Variants in MARCHF11 observed in about 807,000 individuals in gnomAD.
MARCHF11 encodes E3 ubiquitin-protein ligase MARCHF11.
Under a neutral mutation model 37.3 loss-of-function variants are expected in MARCHF11, and 29 were observed. That is an observed-to-expected ratio of 0.78 (90% CI 0.58 to 1.06). MARCHF11 has a LOEUF of 1.06. MARCHF11 is among the 50% of genes least tolerant of loss of function. The pLI, the probability that MARCHF11 is intolerant of heterozygous loss-of-function variation, is 0.00. For synonymous variants in MARCHF11, 233 were observed against 228.0 expected (o/e 1.02, Z -0.20); for missense variants, 482 against 533.4 (o/e 0.90, Z 0.95).
intron 2 of MARCHF11, among the ~76,000 whole-genome samples, chr5:16,097,469 A>G (rs898565780): frequency 2.0e-5 from 3 of 152,170 alleles, no homozygotes; most frequent in Non-Finnish European, 2.9e-5. Flanking sequence ...ACATAGAACC[A>G]TTTCTCTGGA....
intron 2 of MARCHF11, among the ~76,000 whole-genome samples, chr5:16,152,015 A>G (rs1055682464): frequency 1.3e-5 from 2 of 151,980 alleles, no homozygotes; most frequent in Admixed American, 1.3e-4. Context: ...ATTTCAAATC[A>G]CAGTGAGGAT....
intron 2 of MARCHF11, among the ~76,000 whole-genome samples, chr5:16,099,392 T>C (rs913305086): frequency 6.6e-6 from 1 of 152,180 alleles, no homozygotes; most frequent in Non-Finnish European, 1.5e-5. Flanking sequence ...TGTTTACATA[T>C]TATAATGCAA....
intron 2 of MARCHF11, among the ~76,000 whole-genome samples, chr5:16,128,758 G>A (rs897639269): frequency 2.0e-5 from 3 of 152,136 alleles, no homozygotes; most frequent in African/African-American, 7.2e-5. Context: ...GTTTGTGTGT[G>A]TGTATGCATG....
intron 2 of MARCHF11, among the ~76,000 whole-genome samples, chr5:16,137,084 C>T (rs1319904609): frequency 1.3e-5 from 2 of 152,154 alleles, no homozygotes; most frequent in African/African-American, 4.8e-5. Context: ...AAAACTAACA[C>T]ATCTATTATG....
intron 2 of MARCHF11, among the ~76,000 whole-genome samples, chr5:16,135,438 AT>A (rs1216894463): frequency 2.6e-5 from 4 of 152,318 alleles, no homozygotes; most frequent in South Asian, 4.1e-4. Context: ...AAAAAACAAA[AT>A]TGAATAATTA....
intron 2 of MARCHF11, among the ~76,000 whole-genome samples, chr5:16,138,467 G>A (rs993561554): frequency 3.9e-5 from 6 of 152,384 alleles, no homozygotes; most frequent in African/African-American, 1.4e-4. Flanking sequence ...GTTTATTGCA[G>A]GGGTGGAGCC....
intron 2 of MARCHF11, among the ~76,000 whole-genome samples, chr5:16,149,414 GCTA>G (rs1361341556): frequency 1.3e-5 from 2 of 152,110 alleles, no homozygotes; most frequent in African/African-American, 2.4e-5. Context: ...CGAATGCAGA[GCTA>G]CTAAAGCTCA....
At chr5:16,171,708 G>A (rs1014847245) in intron 2 of MARCHF11, among the ~76,000 whole-genome samples, 2 of 152,100 alleles carry the variant, frequency 1.3e-5, no homozygotes, top group Non-Finnish European at 2.9e-5. Context: ...TGACCCTGTA[G>A]AGGAAAAGCC....
intron 2 of MARCHF11, among the ~76,000 whole-genome samples, chr5:16,106,463 G>A (rs1737041917): frequency 6.6e-6 from 1 of 152,202 alleles, no homozygotes; most frequent in Non-Finnish European, 1.5e-5. Flanking sequence ...TGAGTTCTGT[G>A]ACTTGGCCCA....
At chr5:16,170,185 A>C (rs950408276) in intron 2 of MARCHF11, among the ~76,000 whole-genome samples, 1 of 152,152 alleles carries the variant, frequency 6.6e-6, no homozygotes, top group Admixed American at 6.6e-5. Context: ...GCTCATCTAT[A>C]TCCATGATCA....
intron 3 of MARCHF11, among the ~76,000 whole-genome samples, chr5:16,072,719 C>T (rs1439072907): frequency 6.6e-6 from 1 of 152,068 alleles, no homozygotes; most frequent in Non-Finnish European, 1.5e-5. Flanking sequence ...CAGAGTTTTG[C>T]CCTGCACTCC....
intron 2 of MARCHF11, among the ~76,000 whole-genome samples, chr5:16,150,142 A>G (rs114623319): frequency 0.014 from 2,165 of 149,434 alleles, 311 homozygotes; most frequent in African/African-American, 0.052. Context: ...TACAGTTTAG[A>G]TTTATGCACT....
rs372834026 is a variant in MARCHF11, at chr5:16,132,026, C to A, written c.694-40945G>T. 4.9e-3 allele frequency among the ~76,000 whole-genome samples: 747 copies of A among 152,308 alleles called. 5 individuals carry two copies. The highest frequency in any genetic ancestry group is 0.017 in the African/African-American group (712 of 41,566). On this transcript the variant is annotated intron_variant, in intron 2 of 3. Coordinates refer to ENST00000332432, the MANE Select transcript of MARCHF11 (RefSeq NM_001102562.3). ...ATGAGTGCCGTTCAGAGACTGGCTA[C>A]GGGGGATTCATTTCATCCCTGATCC...
chr5:16,164,843 T>A (rs1304073915), intron 2 of MARCHF11, among the ~76,000 whole-genome samples: 1 of 152,072 alleles, frequency 6.6e-6, no homozygotes, highest in Non-Finnish European at 1.5e-5. Context: ...CCTTTTGTCC[T>A]TAAAGGAACA....
rs1449469092 is a variant in MARCHF11, at chr5:16,174,009, T to C, written c.693+3717A>G. The stretch of plus-strand genomic sequence containing the variant: ...TTTAGGCAGTACAGTCTGTCTTTTA[T>C]AGAAAGTTTAAAATTTCACATACAG... On this transcript the variant is annotated intron_variant, in intron 2 of 3. Transcript: ENST00000332432. Among the ~76,000 whole-genome samples the C allele has an allele frequency of 2.0e-5, 3 of 152,236 alleles. No individual in the cohort carries two copies. The East Asian group carries it at 5.8e-4, about 29-fold the overall frequency.
intron 2 of MARCHF11, among the ~76,000 whole-genome samples, chr5:16,169,430 A>G (rs1433942253): frequency 6.6e-6 from 1 of 152,134 alleles, no homozygotes; most frequent in East Asian, 1.9e-4. Context: ...AATAAAAATG[A>G]ACCAACTCAA....
intron 3 of MARCHF11, among the ~76,000 whole-genome samples, chr5:16,083,532 T>C (rs146355016): frequency 0.026 from 3,908 of 152,300 alleles, 157 homozygotes; most frequent in African/African-American, 0.089. Flanking sequence ...GGCAATGAAC[T>C]TAAGGCTCTC....
At chr5:16,105,563 T>C (rs1737024013) in intron 2 of MARCHF11, among the ~76,000 whole-genome samples, 1 of 152,160 alleles carries the variant, frequency 6.6e-6, no homozygotes, top group Non-Finnish European at 1.5e-5. Flanking sequence ...AGAAATGTAC[T>C]GAGATACCCC....
intron 2 of MARCHF11, among the ~76,000 whole-genome samples, chr5:16,121,741 T>C (rs1048134036): frequency 5.3e-5 from 8 of 152,176 alleles, no homozygotes; most frequent in Admixed American, 1.3e-4. Flanking sequence ...TCTCCATTCA[T>C]AGATCCAAAA....
Sources: gnomAD v4.1 joint callset for allele counts (sites outside exome capture counted in the v4.1 genomes callset) on GRCh38, gnomAD v4.1.1 for gene constraint, MANE v1.5 for transcripts, NCBI Gene and HGNC (gene_info 2026-07-23, HGNC 2026-07-21) for gene names.